SEM1: variants seen among roughly 807,000 people sequenced by gnomAD.
The protein encoded by SEM1 is SEM1 26S proteasome subunit, also known as 26S proteasome complex subunit SEM1.
Under a neutral mutation model 12.7 loss-of-function variants are expected in SEM1, and 3 were observed. The observed-to-expected ratio is 0.24, with a 90% CI of 0.11 to 0.61. The LOEUF (loss-of-function observed/expected upper bound fraction) is 0.61. SEM1 is among the 20% of genes least tolerant of loss of function. The pLI is 0.88. For missense variants in SEM1, 59 were observed against 81.3 expected, an observed-to-expected ratio of 0.73 and a Z score of 1.06; for synonymous variants, 30 against 27.8, an observed-to-expected ratio of 1.08 and a Z score of -0.25.
At chr7:96,608,069 C>T (rs1807438680) in intron 2 of SEM1, among the ~76,000 whole-genome samples, 1 of 152,088 alleles carries the variant, frequency 6.6e-6, no homozygotes. Flanking sequence ...CCTTTTGGAA[C>T]TGAAGAGGAG....
intron 2 of SEM1, among the ~76,000 whole-genome samples, chr7:96,635,190 T>C (rs1031408251): frequency 1.3e-5 from 2 of 152,156 alleles, no homozygotes; most frequent in South Asian, 2.1e-4. Flanking sequence ...CTAGTTATGG[T>C]CTAAAAGAAC....
rs1421596853 is a variant in SEM1, at chr7:96,615,239, A to ATTTTTTTTTTTTTTT, written c.170+79558_170+79559insAAAAAAAAAAAAAAA. Among the ~76,000 whole-genome samples, 22 of 98,142 alleles carry ATTTTTTTTTTTTTTT rather than the reference A, an allele frequency of 2.2e-4. 3 individuals are homozygous for ATTTTTTTTTTTTTTT. The highest frequency in any genetic ancestry group is 3.5e-4 in the South Asian group (1 of 2,866). 64.4% of individuals were successfully genotyped at this position (98,142 alleles called of 152,430 possible). ...GGACTGTTGGGTTATTTTTTGAGTC[A>ATTTTTTTTTTTTTTT]TCTTTTTTTTTTTTTTTTTTTTTTT... On this transcript the variant is annotated intron_variant and NMD_transcript_variant, in intron 2 of 3. Coordinates refer to the SEM1 transcript ENST00000466986.
chr7:96,501,455 C>G (rs1016474946), intron 3 of SEM1, among the ~76,000 whole-genome samples: 1 of 152,006 alleles, frequency 6.6e-6, no homozygotes, highest in African/African-American at 2.4e-5. Context: ...CACAAAAAAA[C>G]CCAATCTTTT....
intron 2 of SEM1, among the ~76,000 whole-genome samples, chr7:96,630,831 A>T (rs1433446933): frequency 6.6e-6 from 1 of 150,738 alleles, no homozygotes; most frequent in Non-Finnish European, 1.5e-5. Context: ...GGACCCAAGG[A>T]CTCTTTAGTT....
intron 2 of SEM1, among the ~76,000 whole-genome samples, chr7:96,580,882 T>C (rs1261180871): frequency 2.6e-5 from 4 of 152,204 alleles, no homozygotes; most frequent in African/African-American, 9.6e-5. Flanking sequence ...CTTTGTCAGA[T>C]GAGTAGGTTG....
intron 2 of SEM1, among the ~76,000 whole-genome samples, chr7:96,677,440 GATAA>G (rs1186178268): frequency 1.3e-5 from 2 of 152,140 alleles, no homozygotes; most frequent in Non-Finnish European, 2.9e-5. Context: ...TGTCACATAT[GATAA>G]ATAATTACAG....
At chr7:96,620,344 C>T (rs1265138802), downstream of SEM1, among the ~76,000 whole-genome samples, 1 of 152,114 alleles carries the variant, frequency 6.6e-6, no homozygotes, top group African/African-American at 2.4e-5. Context: ...GCCTCTCCCT[C>T]TGTCTCCTAG....
chr7:96,556,181 T>A (rs1805490655), intron 2 of SEM1, among the ~76,000 whole-genome samples: 1 of 152,000 alleles, frequency 6.6e-6, no homozygotes, highest in African/African-American at 2.4e-5. Context: ...GAGCATTTAG[T>A]CCATTTACAT....
chr7:96,574,303 T>C (rs1054921098), intron 2 of SEM1, among the ~76,000 whole-genome samples: 1 of 152,226 alleles, frequency 6.6e-6, no homozygotes, highest in Non-Finnish European at 1.5e-5. Flanking sequence ...CCATGGTGTA[T>C]ATGTGCCACA....
intron 2 of SEM1, among the ~76,000 whole-genome samples, chr7:96,563,795 A>G (rs1242753336): frequency 6.6e-6 from 1 of 152,202 alleles, no homozygotes; most frequent in Non-Finnish European, 1.5e-5. Flanking sequence ...ACTTCAAACA[A>G]AAATTCAAAC....
chr7:96,699,417 C>T (rs1563118933), intron 1 of SEM1, among the ~76,000 whole-genome samples: 1 of 152,188 alleles, frequency 6.6e-6, no homozygotes, highest in East Asian at 1.9e-4. Flanking sequence ...GAAACTTACA[C>T]ATATCACTGT....
At chr7:96,541,431 G>GGTTTTTTTTTTGTTTTTTTTTTT (rs1554412360) in intron 2 of SEM1, among the ~76,000 whole-genome samples, 3 of 121,488 alleles carry the variant, frequency 2.5e-5, no homozygotes, top group East Asian at 2.3e-4. Context: ...TTTTTAATGG[G>GGTTTTTTTTTTGTTTTTTTTTTT]TTTTTTTTTT....
At chr7:96,501,242 G>C (rs1786722170), upstream of SEM1, among the ~76,000 whole-genome samples, 1 of 152,236 alleles carries the variant, frequency 6.6e-6, no homozygotes, top group East Asian at 1.9e-4. Context: ...TGAAAGCTAC[G>C]ATGACATCCA....
At chr7:96,617,405 A>G (rs2116265555) in intron 2 of SEM1, among the ~76,000 whole-genome samples, 1 of 152,296 alleles carries the variant, frequency 6.6e-6, no homozygotes, top group South Asian at 2.1e-4. Context: ...GACAGAAACT[A>G]CTGAATTTAT....
chr7:96,505,983 C>T (rs1367627959), intron 3 of SEM1, among the ~76,000 whole-genome samples: 1 of 13,154 alleles, frequency 7.6e-5, no homozygotes, highest in Non-Finnish European at 1.2e-4. Flanking sequence ...TATGAGTTGT[C>T]AATGTCTTGC....
intron 2 of SEM1, among the ~76,000 whole-genome samples, chr7:96,626,855 A>C (rs967642142): frequency 3.9e-5 from 6 of 152,036 alleles, no homozygotes; most frequent in African/African-American, 1.4e-4. Context: ...GTTTGAGTAG[A>C]ATTGGTATTA....
intron 2 of SEM1, among the ~76,000 whole-genome samples, chr7:96,691,508 G>C (rs1789932708): frequency 1.3e-5 from 2 of 152,224 alleles, no homozygotes; most frequent in African/African-American, 4.8e-5. Context: ...CCAGCAATCT[G>C]ATTCACACTA....
Position 96,525,268 on chromosome 7 carries a change from T to A in SEM1, c.171-18570A>T, listed in dbSNP as rs867646414. On this transcript the variant is annotated intron_variant and NMD_transcript_variant, in intron 2 of 3. Coordinates refer to the SEM1 transcript ENST00000466986. ...TTGTCTAGTCCTGACTCCTTTTTTT[T>A]TTTTTGGTTAGAAATGTAATTCTGG... 4.0e-3 allele frequency among the ~76,000 whole-genome samples: 612 copies of A among 152,138 alleles called. 5 individuals are homozygous for A. Among genetic ancestry groups the A allele is most frequent in the African/African-American group, 0.014 (575 of 41,510 alleles).
chr7:96,553,680 T>C (rs981847179), intron 2 of SEM1, among the ~76,000 whole-genome samples: 3 of 152,126 alleles, frequency 2.0e-5, no homozygotes, highest in African/African-American at 7.2e-5. Flanking sequence ...TGATGCAGGC[T>C]CTTTTTTGGT....
Sources: allele counts gnomAD v4.1 joint callset (sites outside exome capture counted in the v4.1 genomes callset), GRCh38; gene constraint gnomAD v4.1.1; transcripts MANE v1.5; gene names NCBI Gene and HGNC (gene_info 2026-07-23, HGNC 2026-07-21).